LAMA1: variants seen among roughly 807,000 people sequenced by gnomAD.
The protein encoded by LAMA1 is laminin subunit alpha 1.
A neutral mutation model predicts 348.7 loss-of-function variants in LAMA1; 219 were observed. That is an observed-to-expected ratio of 0.63 (90% confidence interval 0.56 to 0.70). The LOEUF (loss-of-function observed/expected upper bound fraction) is 0.70, where lower values mean the gene tolerates loss of function less well. Among genes scored for constraint, LAMA1 ranks in the 30% least tolerant of loss-of-function variants. The pLI is 0.00. For synonymous variants in LAMA1, 1,487 were observed against 1,491.0 expected (o/e 1.00, Z 0.06); for missense variants, 3,744 against 3,888.0 (o/e 0.96, Z 0.99).
intron 3 of LAMA1, among the ~76,000 whole-genome samples, chr18:7,064,876 G>A (rs921275117): frequency 1.3e-5 from 2 of 152,046 alleles, no homozygotes; most frequent in African/African-American, 4.8e-5. Context: ...TAAATACTAC[G>A]GAGGAAAAGG....
At chr18:7,051,021 A>G in intron 3 of LAMA1, 85 bp from the exon 4 acceptor site, 1 of 1,531,630 alleles carries the variant, frequency 6.5e-7, no homozygotes, top group Admixed American at 1.8e-5. Flanking sequence ...TCTAACTTAA[A>G]GGTAGAATCT....
chr18:6,967,557 C>T (rs2057639041), intron 48 of LAMA1, among the ~76,000 whole-genome samples: 1 of 152,220 alleles, frequency 6.6e-6, no homozygotes, highest in Non-Finnish European at 1.5e-5. Flanking sequence ...TCTGGGAGGG[C>T]TGCCCCAGGC....
chr18:6,955,682 C>A, intron 56 of LAMA1: 1 of 655,702 alleles, frequency 1.5e-6, no homozygotes, highest in East Asian at 2.9e-5. Flanking sequence ...TGTCTGTCAC[C>A]TTAATCCCAC....
chr18:6,980,121 G>A (rs1380534900), intron 42 of LAMA1, among the ~76,000 whole-genome samples: 2 of 152,202 alleles, frequency 1.3e-5, no homozygotes, highest in East Asian at 1.9e-4. Flanking sequence ...GGCCAAGCGA[G>A]CAGTCTTCAG....
chr18:7,109,291 A>G (rs184844895), intron 1 of LAMA1, among the ~76,000 whole-genome samples: 229 of 152,266 alleles, frequency 1.5e-3, no homozygotes, highest in African/African-American at 5.3e-3. Flanking sequence ...CTAATGACCC[A>G]GGTTTTAATG....
chr18:6,946,587 T>C (rs926595294), intron 61 of LAMA1, among the ~76,000 whole-genome samples: 2 of 151,998 alleles, frequency 1.3e-5, no homozygotes, highest in East Asian at 1.9e-4. Context: ...GGTGTGGTGG[T>C]GCACGCCTGT....
intron 42 of LAMA1, among the ~76,000 whole-genome samples, chr18:6,979,674 C>T (rs376015036): frequency 9.8e-4 from 149 of 152,164 alleles, no homozygotes; most frequent in African/African-American, 2.6e-3. Context: ...CCAAGGCGGG[C>T]GGATCACGAG....
chr18:7,007,259 G>A lies in LAMA1; in HGVS notation c.4140C>T (p.Tyr1380=), dbSNP rs576167607. 1.2e-5 allele frequency: 19 copies of A among 1,613,944 alleles called. No individual in the cohort carries two copies. Among genetic ancestry groups the A allele is most frequent in the Admixed American group, 5.0e-5 (3 of 59,986 alleles). ...TCCCTGCTGGGAGCTTCCCTCTGTG[G>A]TACCCAGGGGCGCAGTCCTGAGGGG... The part of the protein sequence containing the change: ...GFSCQDCAPG[Y]HRGKLPAGSD... Residue 1380 remains tyrosine (Y), a synonymous_variant, in exon 29 of 63, where the codon TAC becomes TAT. Coordinates refer to ENST00000389658, the MANE Select transcript of LAMA1 (RefSeq NM_005559.4).
Position 6,998,997 on chromosome 18 carries a change from C to T in LAMA1, c.4663+448G>A, listed in dbSNP as rs138953605. On this transcript the variant is annotated intron_variant, in intron 32 of 62. Transcript: ENST00000389658. ...GCAATAAGCCGAGATTGTGCTACTG[C>T]ACTCCAGCCTGGGGGACAGAGCAAG... 4.9e-3 allele frequency among the ~76,000 whole-genome samples: 740 copies of T among 152,190 alleles called. 5 individuals carry two copies. Among genetic ancestry groups the T allele is most frequent in the African/African-American group, 0.017 (696 of 41,510 alleles).
At chr18:7,090,831 C>G (rs577218432) in intron 1 of LAMA1, among the ~76,000 whole-genome samples, 11 of 152,194 alleles carry the variant, frequency 7.2e-5, no homozygotes, top group African/African-American at 2.4e-4. Context: ...TCTTTTCCCC[C>G]CTCATGTGAG....
At chr18:6,992,484 C>T in intron 36 of LAMA1, 77 bp downstream of exon 36, 2 of 1,500,304 alleles carry the variant, frequency 1.3e-6, no homozygotes, top group Non-Finnish European at 1.9e-6. Flanking sequence ...TTCCACGATG[C>T]CTCCTTCTCC....
chr18:7,010,449 C>A (rs940822598), intron 25 of LAMA1, 64 bp from the exon 26 acceptor site: 14 of 1,404,570 alleles, frequency 1.0e-5, no homozygotes, highest in Non-Finnish European at 1.4e-5. Flanking sequence ...CATTTTATTG[C>A]AAGACTGCCA....
chr18:7,050,518 C>A (rs965506452), intron 4 of LAMA1, among the ~76,000 whole-genome samples, 176 bp downstream of exon 4: 2 of 152,202 alleles, frequency 1.3e-5, no homozygotes, highest in African/African-American at 4.8e-5. Flanking sequence ...AGGAAGTCAA[C>A]AAGGTAAACC....
At chr18:7,001,257 C>T (rs1219622171) in intron 30 of LAMA1, among the ~76,000 whole-genome samples, 5 of 152,118 alleles carry the variant, frequency 3.3e-5, no homozygotes, top group African/African-American at 1.2e-4. Context: ...TAAAATATTT[C>T]ACTCTAGGAA....
intron 16 of LAMA1, among the ~76,000 whole-genome samples, chr18:7,029,989 C>A (rs1443491953): frequency 2.0e-5 from 3 of 147,032 alleles, no homozygotes; most frequent in African/African-American, 7.5e-5. Flanking sequence ...AAAAAAAAAA[C>A]CAGCAAGGTT....
At chr18:6,981,575 T>G (rs1000740456) in intron 41 of LAMA1, among the ~76,000 whole-genome samples, 1 of 152,200 alleles carries the variant, frequency 6.6e-6, no homozygotes, top group Non-Finnish European at 1.5e-5. Flanking sequence ...TCACTACCTA[T>G]GAAGTACCTC....
chr18:7,059,886 T>A (rs2058096175), intron 3 of LAMA1, among the ~76,000 whole-genome samples: 1 of 152,342 alleles, frequency 6.6e-6, no homozygotes, highest in African/African-American at 2.4e-5. Flanking sequence ...TGCTGAGTTA[T>A]CCCTGTGAAA....
chr18:7,078,819 T>C (rs894518777), intron 3 of LAMA1, among the ~76,000 whole-genome samples: 1 of 151,856 alleles, frequency 6.6e-6, no homozygotes, highest in Non-Finnish European at 1.5e-5. Flanking sequence ...AAATCCTGTC[T>C]ACTAAAAACA....
At chr18:7,108,331 G>A (rs1001346620) in intron 1 of LAMA1, among the ~76,000 whole-genome samples, 38 of 151,578 alleles carry the variant, frequency 2.5e-4, no homozygotes, top group African/African-American at 9.2e-4. Context: ...GCAACAGAGC[G>A]AGACTCTGTC....
Sources: allele counts gnomAD v4.1 joint callset (sites outside exome capture counted in the v4.1 genomes callset), GRCh38; gene constraint gnomAD v4.1.1; transcripts MANE v1.5; gene names NCBI Gene and HGNC (gene_info 2026-07-23, HGNC 2026-07-21).